The following SFI1 variants were observed in gnomAD, a reference collection of about 807,000 sequenced individuals.
SFI1 encodes SFI1 centrin binding protein.
SFI1 carries 195 observed loss-of-function variants against 207.5 expected under a neutral mutation model. The observed-to-expected ratio is 0.94, with a 90% CI of 0.84 to 1.06. SFI1 has a LOEUF of 1.06. Ranked by LOEUF, SFI1 falls within the 50% of genes least tolerant of loss-of-function variation. The pLI is 0.00. For missense variants in SFI1, 1,634 were observed against 1,588.0 expected (o/e 1.03, Z -0.49); for synonymous variants, 630 against 598.9 (o/e 1.05, Z -0.76).
At chr22:31,513,189 C>T (rs1438906165) in intron 2 of SFI1, among the ~76,000 whole-genome samples, 3 of 151,090 alleles carry the variant, frequency 2.0e-5, no homozygotes, top group Admixed American at 6.6e-5. Flanking sequence ...GACAGGGTCT[C>T]GCTTTGTTGC....
At chr22:31,500,688 C>T (rs1233455368) in intron 1 of SFI1, among the ~76,000 whole-genome samples, 1 of 152,150 alleles carries the variant, frequency 6.6e-6, no homozygotes, top group Non-Finnish European at 1.5e-5. Flanking sequence ...AATTCCTGAT[C>T]TCAGGTGATT....
chr22:31,593,604 C>T (rs1415577093), intron 15 of SFI1, among the ~76,000 whole-genome samples: 1 of 106,830 alleles, frequency 9.4e-6, no homozygotes, highest in Admixed American at 1.0e-4. Context: ...GGCGGCCGGG[C>T]AGAGGCTGCA....
At position 31,528,726 on chromosome 22, in the gene SFI1, T is replaced by C. The variant is rs767673657; in HGVS notation, c.129T>C (p.Ser43=). The C allele has an allele frequency of 3.1e-6, 5 of 1,614,188 alleles. No homozygotes were observed. Among genetic ancestry groups the C allele is most frequent in the Non-Finnish European group, 4.2e-6 (5 of 1,180,022 alleles). Residue 43 remains serine, a synonymous_variant, in exon 3 of 33, where the codon TCT becomes TCC. Coordinates refer to ENST00000400288, the MANE Select transcript of SFI1 (RefSeq NM_001007467.3). ...ATGGTGCAGTTAAGAAACCTTATTC[T>C]GCAAAGACACTGTCCAACAAGAAGT... ...FKDGAVKKPY[S]AKTLSNKKSS...
chr22:31,568,194 T>TGTGTGTGTGTGTG (rs749787029), intron 8 of SFI1, among the ~76,000 whole-genome samples: 3 of 92,548 alleles, frequency 3.2e-5, no homozygotes, highest in African/African-American at 1.6e-4. Flanking sequence ...TGTGTGTGTG[T>TGTGTGTGTGTGTG]TGTGTGTGTG....
At chr22:31,585,721 A>C (rs1411909786) in intron 14 of SFI1, among the ~76,000 whole-genome samples, 6 of 152,168 alleles carry the variant, frequency 3.9e-5, no homozygotes, top group Non-Finnish European at 5.9e-5. Context: ...CAGGGTGACA[A>C]ATGAGTGTGA....
intron 15 of SFI1, among the ~76,000 whole-genome samples, chr22:31,601,445 A>C (rs1252532491): frequency 6.6e-6 from 1 of 151,674 alleles, no homozygotes; most frequent in African/African-American, 2.4e-5. Flanking sequence ...TTTCTAATTC[A>C]CCTGAAATAC....
intron 12 of SFI1, among the ~76,000 whole-genome samples, chr22:31,581,268 C>T (rs986979224): frequency 4.1e-5 from 6 of 147,886 alleles, no homozygotes; most frequent in African/African-American, 7.5e-5. Flanking sequence ...TGTGAGCCAC[C>T]GCACCTGGCC....
At chr22:31,593,127 G>A (rs1029786923) in intron 15 of SFI1, among the ~76,000 whole-genome samples, 12 of 145,074 alleles carry the variant, frequency 8.3e-5, no homozygotes, top group African/African-American at 2.6e-4. Context: ...TGGCCGGGCG[G>A]GGGGCTGACC....
intron 6 of SFI1, among the ~76,000 whole-genome samples, chr22:31,555,389 AAG>A (rs1434873139): frequency 6.6e-6 from 1 of 152,150 alleles, no homozygotes; most frequent in African/African-American, 2.4e-5. Context: ...CTCAAGAGGC[AAG>A]AGTTATTTCT....
chr22:31,497,240 C>T (rs1177706928), intron 1 of SFI1: 2 of 152,234 alleles, frequency 1.3e-5, no homozygotes, highest in African/African-American at 4.8e-5. Flanking sequence ...CTTTATTGCA[C>T]TTCACAGATA....
At chr22:31,557,378 G>A (rs923626080) in intron 7 of SFI1, among the ~76,000 whole-genome samples, 3 of 150,822 alleles carry the variant, frequency 2.0e-5, no homozygotes, top group Admixed American at 6.6e-5. Flanking sequence ...TTGTAGAGGC[G>A]AGGTTTTATC....
chr22:31,602,171 A>G lies in SFI1; in HGVS notation c.1545-41A>G, dbSNP rs757138000. On this transcript the variant is annotated intron_variant, in intron 15 of 32. Coordinates refer to ENST00000400288, the MANE Select transcript of SFI1 (RefSeq NM_001007467.3). ...TCTAGTTCTGTTTGGGTTAATTTTT[A>G]TGTTTGTTTTAAGTGCTTTACATTC... 7.9e-6 allele frequency: 12 copies of G among 1,528,530 alleles called. No individual in the cohort carries two copies. The African/African-American group carries it at 1.1e-4, about 14-fold the overall frequency. 94.7% of individuals were successfully genotyped at this position (1,528,530 alleles called of 1,614,324 possible).
chr22:31,615,177 C>G lies in SFI1; in HGVS notation c.3198C>G (p.Ser1066Arg), dbSNP rs773647685. ...GCCCCCTGCCTGGGGCCCTGTCAAG[C>G]GCCCCTGGCCCGAAGCAGCCCCCGA... is the stretch of plus-strand genomic sequence containing the variant. ...PHSPLPGALS[S>R]APGPKQPPTA... The change falls in exon 29 of 33, where the codon AGC (serine) becomes AGG (arginine). Residue 1066 changes from serine (S) to arginine (R), a missense_variant. Physicochemically the swap from Ser to Arg is moderately radical, Grantham distance 110 (BLOSUM62 -1). Coordinates refer to ENST00000400288, the MANE Select transcript of SFI1 (RefSeq NM_001007467.3). The G allele has an allele frequency of 6.3e-7, 1 of 1,599,006 alleles. No individual in the cohort carries two copies. Among genetic ancestry groups the G allele is most frequent in the East Asian group, 2.2e-5 (1 of 44,696 alleles).
rs1158206724 is a variant in SFI1 at position 31,606,087 on chromosome 22, G to C, written c.2055-241G>C. On this transcript the variant is annotated intron_variant, in intron 20 of 32. Transcript: ENST00000400288. ...CCCTGTTATCCCCGTAGCACCTGGAGTTTGGTCTCCAGCAGTGCTGGGTCC... is the reference window on the plus strand; with the variant it reads ...CCCTGTTATCCCCGTAGCACCTGGACTTTGGTCTCCAGCAGTGCTGGGTCC... The C allele has an allele frequency of 2.2e-5, 11 of 497,054 alleles. No homozygotes were observed. In the East Asian group the frequency reaches 3.3e-4, roughly 15 times the overall value. The allele number at this position is 497,054 out of a possible 1,614,324, so 30.8% of individuals were successfully genotyped here.
At chr22:31,613,933 C>T in intron 27 of SFI1, 78 bp downstream of exon 27, 1 of 1,478,778 alleles carries the variant, frequency 6.8e-7, no homozygotes. Context: ...AGGAAAACAG[C>T]CCTGACGGGA....
At chr22:31,583,761 G>A (rs1354567743) in intron 12 of SFI1, 114 bp from the exon 13 acceptor site, 2 of 857,086 alleles carry the variant, frequency 2.3e-6, no homozygotes, top group East Asian at 4.8e-5. Flanking sequence ...TATGTTGGCT[G>A]CTCCTAACTG....
At position 31,591,394 on chromosome 22, in the gene SFI1, G is replaced by A. The variant is rs112026161; in HGVS notation, c.1544+1817G>A. On this transcript the variant is annotated intron_variant, in intron 15 of 32. Transcript: ENST00000400288. ...TTCCACACAGACACGGCAACCATCC[G>A]ACCTCTCAATCTTTTCCCCACCTTT... Among the ~76,000 whole-genome samples, 1,414 of 152,232 alleles carry A rather than the reference G, an allele frequency of 9.3e-3. 16 individuals carry two copies. Among genetic ancestry groups the A allele is most frequent in the Middle Eastern group, 0.048 (14 of 294 alleles).
intron 29 of SFI1, 107 bp from the exon 30 acceptor site, chr22:31,616,638 G>A: frequency 8.0e-7 from 1 of 1,246,396 alleles, no homozygotes; most frequent in Admixed American, 2.6e-5. Context: ...CTGGGAGCCT[G>A]GTCTTCCCCC....
At chr22:31,500,806 G>GT (rs1035587309) in intron 1 of SFI1, among the ~76,000 whole-genome samples, 1,564 of 102,772 alleles carry the variant, frequency 0.015, 41 homozygotes, top group East Asian at 0.13. Context: ...TTTGTTTTTT[G>GT]TTTTTTTTTT....
Sources: gnomAD v4.1 joint callset for allele counts (sites outside exome capture counted in the v4.1 genomes callset) on GRCh38, gnomAD v4.1.1 for gene constraint, MANE v1.5 for transcripts, NCBI Gene and HGNC (gene_info 2026-07-23, HGNC 2026-07-21) for gene names.